DENND4C: variants seen among roughly 807,000 people sequenced by gnomAD.
The protein encoded by DENND4C is DENN domain-containing protein 4C.
DENND4C carries 108 observed loss-of-function variants against 203.0 expected under a neutral mutation model. The ratio of observed to expected loss-of-function variants is 0.53; its 90% CI spans 0.46 to 0.62. The LOEUF is 0.62. Among genes scored for constraint, DENND4C ranks in the 20% least tolerant of loss-of-function variants. The pLI is 0.00. For synonymous variants in DENND4C, 871 were observed against 792.4 expected (o/e 1.10, Z -1.67); for missense variants, 2,481 against 2,301.2 (o/e 1.08, Z -1.60).
At chr9:19,337,149 C>G (rs1348085184) in intron 20 of DENND4C, among the ~76,000 whole-genome samples, 1 of 152,076 alleles carries the variant, frequency 6.6e-6, no homozygotes, top group Non-Finnish European at 1.5e-5. Flanking sequence ...ACTTGCAAAT[C>G]TTTTTAAAAA....
At chr9:19,322,843 ATACT>A (rs1020906490) in intron 12 of DENND4C, among the ~76,000 whole-genome samples, 6 of 152,150 alleles carry the variant, frequency 3.9e-5, no homozygotes, top group African/African-American at 1.4e-4. Context: ...CTTAGTAGAA[ATACT>A]TAATTAAGGA....
intron 30 of DENND4C, among the ~76,000 whole-genome samples, chr9:19,364,141 C>T (rs1348514196): frequency 6.6e-5 from 10 of 151,998 alleles, no homozygotes; most frequent in Non-Finnish European, 1.5e-4. Flanking sequence ...TATGATTGCA[C>T]CAGTGTACTC....
intron 13 of DENND4C, among the ~76,000 whole-genome samples, chr9:19,325,192 A>G (rs536847232): frequency 4.9e-4 from 75 of 152,130 alleles, no homozygotes; most frequent in South Asian, 4.6e-3. Flanking sequence ...TAGAAGTTCT[A>G]TGTTCTTTTG....
At chr9:19,310,168 A>G (rs1437213073) in intron 10 of DENND4C, among the ~76,000 whole-genome samples, 2 of 152,038 alleles carry the variant, frequency 1.3e-5, no homozygotes, top group Non-Finnish European at 2.9e-5. Context: ...TAATTTGTAT[A>G]TTATCTTCAA....
intron 1 of DENND4C, among the ~76,000 whole-genome samples, chr9:19,269,278 C>T (rs1359015707): frequency 5.9e-5 from 9 of 151,978 alleles, no homozygotes; most frequent in Non-Finnish European, 1.2e-4. Flanking sequence ...TCCCCTGCCT[C>T]GCCTCCCGAG....
At chr9:19,370,954 T>TTA (rs1297904528) in intron 31 of DENND4C, among the ~76,000 whole-genome samples, 1 of 152,256 alleles carries the variant, frequency 6.6e-6, no homozygotes, top group African/African-American at 2.4e-5. Context: ...CCATTTTTAC[T>TTA]ATCAGTAGTT....
intron 22 of DENND4C, among the ~76,000 whole-genome samples, chr9:19,343,532 T>C (rs1373548789): frequency 1.3e-5 from 2 of 152,254 alleles, no homozygotes; most frequent in Admixed American, 6.5e-5. Context: ...CTTAAACCAA[T>C]GTAAAAGTAC....
chr9:19,237,119 C>G (rs530122432), intron 1 of DENND4C, among the ~76,000 whole-genome samples: 1 of 152,260 alleles, frequency 6.6e-6, no homozygotes, highest in African/African-American at 2.4e-5. Context: ...CTCCTCGGTT[C>G]AAGCGATTCT....
chr9:19,315,628 ATATTT>A (rs1408364564), intron 10 of DENND4C, among the ~76,000 whole-genome samples: 1 of 151,096 alleles, frequency 6.6e-6, no homozygotes, highest in Non-Finnish European at 1.5e-5. Flanking sequence ...CATATATTTT[ATATTT>A]TCGGAATATA....
At chr9:19,356,788 T>TGTGTGAGAGAGAGAGAGAGAGAGA (rs1266119304) in intron 26 of DENND4C, among the ~76,000 whole-genome samples, 184 bp from the exon 27 acceptor site, 2 of 140,382 alleles carry the variant, frequency 1.4e-5, no homozygotes, top group African/African-American at 2.8e-5. Flanking sequence ...TGTGTGTGTG[T>TGTGTGAGAGAGAGAGAGAGAGAGA]GAGAGAGAGA....
At chr9:19,294,861 C>T (rs993901829) in intron 5 of DENND4C, among the ~76,000 whole-genome samples, 1 of 151,994 alleles carries the variant, frequency 6.6e-6, no homozygotes, top group Non-Finnish European at 1.5e-5. Flanking sequence ...ATAGAAAGTA[C>T]AATAGAGATT....
intron 20 of DENND4C, among the ~76,000 whole-genome samples, chr9:19,338,350 A>G (rs536158835): frequency 6.6e-6 from 1 of 152,250 alleles, no homozygotes; most frequent in Admixed American, 6.5e-5. Flanking sequence ...TTATTCCTTC[A>G]GATTTTTAAG....
chr9:19,274,711 C>T (rs1832512184), intron 1 of DENND4C, among the ~76,000 whole-genome samples: 2 of 152,194 alleles, frequency 1.3e-5, no homozygotes. Flanking sequence ...ACTTATTTTA[C>T]ATGGTATTTA....
At chr9:19,341,375 G>C (rs1357133052) in intron 21 of DENND4C, among the ~76,000 whole-genome samples, 1 of 149,172 alleles carries the variant, frequency 6.7e-6, no homozygotes, top group Non-Finnish European at 1.5e-5. Context: ...GCAGTGGCGA[G>C]AACATGTATT....
chr9:19,277,998 C>T (rs780340754), intron 2 of DENND4C, among the ~76,000 whole-genome samples: 2 of 150,844 alleles, frequency 1.3e-5, no homozygotes, highest in East Asian at 1.9e-4. Context: ...AACTATGATA[C>T]CATACCTTAA....
chr9:19,259,287 T>C (rs1309856973), intron 1 of DENND4C, among the ~76,000 whole-genome samples: 2 of 152,002 alleles, frequency 1.3e-5, no homozygotes, highest in Non-Finnish European at 2.9e-5. Context: ...TATTATTCTA[T>C]TTTCTGTTTC....
chr9:19,269,681 T>C (rs150404932), intron 1 of DENND4C, among the ~76,000 whole-genome samples: 502 of 152,332 alleles, frequency 3.3e-3, no homozygotes, highest in African/African-American at 0.012. Flanking sequence ...TTCATTGAGC[T>C]TCTTTAAAAC....
chr9:19,274,661 G>C (rs571654092), intron 1 of DENND4C, among the ~76,000 whole-genome samples: 1 of 152,144 alleles, frequency 6.6e-6, no homozygotes, highest in South Asian at 2.1e-4. Context: ...TGCTCTATCT[G>C]GTATTTTTAG....
chr9:19,270,119 G>A (rs1007912572), intron 1 of DENND4C, among the ~76,000 whole-genome samples: 1 of 152,084 alleles, frequency 6.6e-6, no homozygotes, highest in Non-Finnish European at 1.5e-5. Flanking sequence ...CAAACAAATG[G>A]CATCGCTCTC....
Sources: allele counts gnomAD v4.1 joint callset (sites outside exome capture counted in the v4.1 genomes callset), GRCh38; gene constraint gnomAD v4.1.1; transcripts MANE v1.5; gene names NCBI Gene and HGNC (gene_info 2026-07-23, HGNC 2026-07-21).